Variants in ADARB2 observed in about 807,000 individuals in gnomAD.
ADARB2 encodes the protein inactive double-stranded RNA-specific editase B2.
Under a neutral mutation model 62.2 loss-of-function variants are expected in ADARB2, and 25 were observed. That is an observed-to-expected ratio of 0.40 (90% CI 0.29 to 0.56). The LOEUF (loss-of-function observed/expected upper bound fraction) is 0.56, where lower values mean the gene tolerates loss of function less well. Ranked by LOEUF, ADARB2 falls within the 20% of genes least tolerant of loss-of-function variation. The pLI is 0.43. For missense variants in ADARB2, 1,071 were observed against 1,077.4 expected (o/e 0.99, Z 0.08); for synonymous variants, 572 against 500.8 (o/e 1.14, Z -1.90).
intron 1 of ADARB2, among the ~76,000 whole-genome samples, chr10:1,440,369 A>AATCTAATATTAT (rs1830890517): frequency 6.6e-6 from 1 of 151,772 alleles, no homozygotes; most frequent in African/African-American, 2.4e-5. Flanking sequence ...TCTAATATTA[A>AATCTAATATTAT]ATCTAATATT....
chr10:1,630,783 C>T (rs868777037), intron 1 of ADARB2, among the ~76,000 whole-genome samples: 4 of 152,162 alleles, frequency 2.6e-5, no homozygotes, highest in East Asian at 3.9e-4. Context: ...GGTGGAACCC[C>T]GTCTCTACTA....
intron 1 of ADARB2, among the ~76,000 whole-genome samples, chr10:1,480,481 TAGGTC>T (rs1354326402): frequency 2.0e-5 from 3 of 152,140 alleles, no homozygotes; most frequent in Non-Finnish European, 4.4e-5. Flanking sequence ...GGCGGGTCAC[TAGGTC>T]AGGAGATTGA....
chr10:1,189,476 A>G (rs1032945671), intron 8 of ADARB2, among the ~76,000 whole-genome samples: 1 of 152,106 alleles, frequency 6.6e-6, no homozygotes, highest in Non-Finnish European at 1.5e-5. Context: ...GTGAAGACAC[A>G]TGTGCTCAGG....
At chr10:1,544,710 G>A (rs893591477) in intron 1 of ADARB2, among the ~76,000 whole-genome samples, 10 of 152,124 alleles carry the variant, frequency 6.6e-5, no homozygotes, top group Non-Finnish European at 1.3e-4. Flanking sequence ...AGTGTGAAAT[G>A]TATGTAGCAT....
intron 1 of ADARB2, among the ~76,000 whole-genome samples, chr10:1,456,010 T>C (rs960403583): frequency 1.3e-5 from 2 of 152,250 alleles, no homozygotes; most frequent in African/African-American, 4.8e-5. Flanking sequence ...GTTTCACTTA[T>C]AATAGCACAT....
intron 3 of ADARB2, among the ~76,000 whole-genome samples, chr10:1,315,490 A>C (rs1261430755): frequency 3.3e-5 from 5 of 152,194 alleles, no homozygotes; most frequent in African/African-American, 4.8e-5. Flanking sequence ...CTGACATTTG[A>C]TTTATAGCTT....
At chr10:1,538,024 C>T (rs1832355827) in intron 1 of ADARB2, among the ~76,000 whole-genome samples, 2 of 152,206 alleles carry the variant, frequency 1.3e-5, no homozygotes, top group Admixed American at 1.3e-4. Flanking sequence ...TTCAGAACTG[C>T]AAGCAGTAGC....
At chr10:1,526,139 G>A (rs1258543382) in intron 1 of ADARB2, among the ~76,000 whole-genome samples, 2 of 152,134 alleles carry the variant, frequency 1.3e-5, no homozygotes, top group African/African-American at 4.8e-5. Flanking sequence ...AGGCAGCAGG[G>A]CGGTCTTGCA....
chr10:1,587,400 T>C (rs1441369145), intron 1 of ADARB2, among the ~76,000 whole-genome samples: 1 of 152,212 alleles, frequency 6.6e-6, no homozygotes, highest in Non-Finnish European at 1.5e-5. Flanking sequence ...TATAGGACTT[T>C]CTTGCTTCCC....
chr10:1,289,669 G>A (rs890548325), intron 3 of ADARB2, among the ~76,000 whole-genome samples: 4 of 152,252 alleles, frequency 2.6e-5, no homozygotes, highest in African/African-American at 9.6e-5. Flanking sequence ...GCCAGGACCC[G>A]TTCTCTCTGC....
At chr10:1,601,508 G>A (rs190537975) in intron 1 of ADARB2, among the ~76,000 whole-genome samples, 1 of 152,140 alleles carries the variant, frequency 6.6e-6, no homozygotes, top group Non-Finnish European at 1.5e-5. Flanking sequence ...AATAAACACC[G>A]ATCTTAGCTA....
rs115573486 is a variant in ADARB2, at chr10:1,275,073, C to T, written c.1078-4004G>A. Among the ~76,000 whole-genome samples, 379 of 152,334 alleles carry T rather than the reference C, an allele frequency of 2.5e-3. 2 individuals are homozygous for T. The highest frequency in any genetic ancestry group is 0.01 in the Middle Eastern group (3 of 294). ...TAGGCTCCCACTATGAACCAAGCAG[C>T]GTGAGCCCTGGCCGCTCCCTTGTGG... On this transcript the variant is annotated intron_variant, in intron 3 of 9. Transcript: ENST00000381312.
intron 1 of ADARB2, among the ~76,000 whole-genome samples, chr10:1,497,773 T>C (rs1214275783): frequency 6.6e-6 from 1 of 152,202 alleles, no homozygotes; most frequent in East Asian, 1.9e-4. Flanking sequence ...GGATCTCACA[T>C]ACATTCCTGA....
intron 1 of ADARB2, among the ~76,000 whole-genome samples, chr10:1,632,707 ATGAAGTGGCAT>A (rs1403236334): frequency 6.6e-6 from 1 of 152,254 alleles, no homozygotes; most frequent in Non-Finnish European, 1.5e-5. Flanking sequence ...GTGGGACTGC[ATGAAGTGGCAT>A]TGAATAGACA....
chr10:1,588,673 A>T (rs1833210634), intron 1 of ADARB2, among the ~76,000 whole-genome samples: 1 of 152,240 alleles, frequency 6.6e-6, no homozygotes, highest in African/African-American at 2.4e-5. Flanking sequence ...TTCGACAGCC[A>T]GAAGTCAGGG....
At chr10:1,638,294 AT>A (rs1833938472) in intron 1 of ADARB2, among the ~76,000 whole-genome samples, 1 of 152,226 alleles carries the variant, frequency 6.6e-6, no homozygotes, top group Non-Finnish European at 1.5e-5. Context: ...AAGATGACAT[AT>A]TTCCCCATTT....
intron 1 of ADARB2, among the ~76,000 whole-genome samples, chr10:1,584,039 C>G (rs1196032741): frequency 6.6e-6 from 1 of 152,134 alleles, no homozygotes. Flanking sequence ...AAAACTCCTA[C>G]AAGATGACAT....
chr10:1,293,481 G>A lies in ADARB2; in HGVS notation c.1078-22412C>T, dbSNP rs1461205158. Among the ~76,000 whole-genome samples the A allele has an allele frequency of 2.6e-5, 4 of 152,290 alleles. No individual in the cohort carries two copies. In the East Asian group the frequency reaches 5.8e-4, roughly 22 times the overall value. ...AAAAGCTATTAATCAGTTTTAGAAA[G>A]CAAATCTCTGCCTCTGTTGTGAGCA... On this transcript the variant is annotated intron_variant, in intron 3 of 9. Transcript: ENST00000381312.
chr10:1,685,903 G>A (rs1222155617), intron 1 of ADARB2, among the ~76,000 whole-genome samples: 3 of 152,198 alleles, frequency 2.0e-5, no homozygotes, highest in African/African-American at 4.8e-5. Flanking sequence ...CAGGGCGGAC[G>A]TGGCTGGGTG....
Sources: allele counts gnomAD v4.1 joint callset (sites outside exome capture counted in the v4.1 genomes callset), GRCh38; gene constraint gnomAD v4.1.1; transcripts MANE v1.5; gene names NCBI Gene and HGNC (gene_info 2026-07-23, HGNC 2026-07-21).